SLC9B1: variants seen among roughly 807,000 people sequenced by gnomAD.
The protein encoded by SLC9B1 is solute carrier family 9 member B1.
In SLC9B1, 32 loss-of-function variants were observed where a neutral mutation model predicts 51.7. The observed-to-expected ratio is 0.62, with a 90% CI of 0.47 to 0.83. SLC9B1 has a LOEUF of 0.83. Ranked by LOEUF, SLC9B1 falls within the 40% of genes least tolerant of loss-of-function variation. SLC9B1 has a pLI of 0.00. For missense variants in SLC9B1, 406 were observed against 613.2 expected (o/e 0.66, Z 3.57); for synonymous variants, 145 against 212.7 (o/e 0.68, Z 2.77).
At chr4:102,958,510 G>A (rs1737919477) in intron 3 of SLC9B1, among the ~76,000 whole-genome samples, 1 of 152,142 alleles carries the variant, frequency 6.6e-6, no homozygotes, top group Non-Finnish European at 1.5e-5. Context: ...AATTACCCAG[G>A]TGTGATGACA....
chr4:102,925,529 T>C (rs1227084427), intron 7 of SLC9B1, among the ~76,000 whole-genome samples: 3 of 152,054 alleles, frequency 2.0e-5, no homozygotes, highest in Non-Finnish European at 2.9e-5. Context: ...TGTGCACATG[T>C]ACCCTAGAAC....
In SLC9B1 at chr4:102,893,264, A is replaced by G. The variant is rs1734344888; in HGVS notation, c.1333-7936T>C. On this transcript the variant is annotated intron_variant, in intron 11 of 11. Transcript: ENST00000394789. ...GCCATTGCATTCCAGCCTGGGCCAC[A>G]GAGCAAGACTCCATCTCAAAAAAAA... Among the ~76,000 whole-genome samples the G allele has an allele frequency of 2.1e-5, 3 of 143,344 alleles. No individual in the cohort carries two copies. The Admixed American group carries it at 2.1e-4, about 10-fold the overall frequency. The allele number at this position is 143,344 out of a possible 152,430, so 94.0% of individuals were successfully genotyped here.
chr4:102,946,414 A>C (rs1737269721), intron 5 of SLC9B1, among the ~76,000 whole-genome samples: 3 of 152,114 alleles, frequency 2.0e-5, no homozygotes, highest in Non-Finnish European at 4.4e-5. Flanking sequence ...AGGTTCAAGC[A>C]ATTCTCTTGC....
intron 3 of SLC9B1, among the ~76,000 whole-genome samples, chr4:102,959,802 C>A (rs1158888924): frequency 6.6e-6 from 1 of 152,088 alleles, no homozygotes; most frequent in African/African-American, 2.4e-5. Context: ...ACTTCTATAG[C>A]AATTTGACAC....
intron 1 of SLC9B1, among the ~76,000 whole-genome samples, chr4:103,006,111 T>A (rs1373785760): frequency 6.6e-6 from 1 of 151,920 alleles, no homozygotes; most frequent in East Asian, 1.9e-4. Flanking sequence ...CTGAACTGAA[T>A]GAAATTGGGA....
chr4:102,925,950 C>T (rs1736146596), intron 7 of SLC9B1, among the ~76,000 whole-genome samples: 2 of 151,284 alleles, frequency 1.3e-5, no homozygotes, highest in Admixed American at 1.3e-4. Context: ...ACATATGTAA[C>T]TCAATAAACA....
chr4:102,903,431 G>A (rs1578331830), intron 11 of SLC9B1, among the ~76,000 whole-genome samples: 1 of 152,210 alleles, frequency 6.6e-6, no homozygotes, highest in East Asian at 1.9e-4. Context: ...ATTGAATCCT[G>A]ACAACACTGC....
At chr4:102,989,748 T>C in intron 3 of SLC9B1, 52 bp downstream of exon 3, 1 of 1,293,058 alleles carries the variant, frequency 7.7e-7, no homozygotes. Context: ...TTTTAATATT[T>C]ATCAAACATA....
intron 9 of SLC9B1, among the ~76,000 whole-genome samples, chr4:102,909,223 G>A (rs1412694913): frequency 1.3e-5 from 2 of 151,632 alleles, no homozygotes; most frequent in African/African-American, 2.4e-5. Context: ...AGCACTTTGC[G>A]ATGTCAAGTT....
intron 3 of SLC9B1, among the ~76,000 whole-genome samples, chr4:102,978,738 T>C (rs1739206653): frequency 6.6e-6 from 1 of 152,198 alleles, no homozygotes; most frequent in Admixed American, 6.5e-5. Flanking sequence ...AGTTCAACCA[T>C]TATGGAAGTC....
intron 1 of SLC9B1, among the ~76,000 whole-genome samples, chr4:103,011,248 A>G (rs1741071555): frequency 6.6e-6 from 1 of 152,244 alleles, no homozygotes; most frequent in African/African-American, 2.4e-5. Flanking sequence ...AAACAACATT[A>G]AATCTTGAGA....
rs1478737822 is a variant in SLC9B1, at chr4:102,932,241, C to T, written c.712G>A (p.Glu238Lys). 6.2e-7 allele frequency: 1 copy of T among 1,611,882 alleles called. No homozygotes were observed. The highest frequency in any genetic ancestry group is 1.7e-5 in the Admixed American group (1 of 59,990). The change falls in exon 7 of 12, where the codon GAA becomes AAA. Residue 238 changes from glutamate to lysine, a missense_variant. Coordinates refer to ENST00000296422, the MANE Select transcript of SLC9B1 (RefSeq NM_139173.4). ...CCTTCCTCAACACCATATCCATTTT[C>T]TTGCAGCACCATCATGTAAGGGACA... ...VVVPYMMVLQ[E>K]NGYGVEEGIP...
rs746976727 is a variant in SLC9B1, at chr4:102,911,382, G to GA, written c.936+48dup. The stretch of plus-strand genomic sequence containing the variant: ...CGACCTTACCAAAGTTTAATATTTT[G>GA]AAAAAAATGTCTAATACTATACTTC... On this transcript the variant is annotated intron_variant, in intron 8 of 11. Transcript: ENST00000296422. 1.5e-5 allele frequency: 20 copies of GA among 1,356,798 alleles called. No individual in the cohort carries two copies. The Admixed American group carries it at 1.8e-4, about 12-fold the overall frequency. 84.0% of individuals were successfully genotyped at this position (1,356,798 alleles called of 1,614,324 possible).
chr4:102,935,961 C>T (rs1736702056), intron 6 of SLC9B1, among the ~76,000 whole-genome samples: 1 of 152,306 alleles, frequency 6.6e-6, no homozygotes, highest in Middle Eastern at 3.4e-3. Flanking sequence ...GCTGCTGGCA[C>T]ATATGTGTGA....
intron 3 of SLC9B1, among the ~76,000 whole-genome samples, chr4:102,961,135 C>T (rs1738094535): frequency 6.6e-6 from 1 of 152,052 alleles, no homozygotes; most frequent in East Asian, 1.9e-4. Context: ...TCCCTTTAAA[C>T]ATAAAGACAC....
intron 1 of SLC9B1, among the ~76,000 whole-genome samples, chr4:103,008,354 A>T (rs1049330141): frequency 6.6e-6 from 1 of 151,872 alleles, no homozygotes; most frequent in African/African-American, 2.4e-5. Flanking sequence ...ATTATATATT[A>T]ATAATGGACA....
At chr4:102,985,171 A>G (rs571122354) in intron 3 of SLC9B1, among the ~76,000 whole-genome samples, 13 of 152,332 alleles carry the variant, frequency 8.5e-5, no homozygotes, top group African/African-American at 3.1e-4. Flanking sequence ...TTAGAATGGA[A>G]TATCATTCTC....
intron 3 of SLC9B1, among the ~76,000 whole-genome samples, chr4:102,959,412 T>C (rs1040589761): frequency 2.0e-5 from 3 of 152,196 alleles, no homozygotes; most frequent in African/African-American, 7.2e-5. Context: ...TACAATAAAA[T>C]GAACTAGTGA....
chr4:102,940,582 C>A (rs1736941128), intron 6 of SLC9B1, among the ~76,000 whole-genome samples: 1 of 152,072 alleles, frequency 6.6e-6, no homozygotes, highest in African/African-American at 2.4e-5. Flanking sequence ...GCAAAAAGAA[C>A]AAAGCCAAAA....
Sources: allele counts gnomAD v4.1 joint callset (sites outside exome capture counted in the v4.1 genomes callset), GRCh38; gene constraint gnomAD v4.1.1; transcripts MANE v1.5; gene names NCBI Gene and HGNC (gene_info 2026-07-23, HGNC 2026-07-21).